R3HDM1: variants seen among roughly 807,000 people sequenced by gnomAD.
R3HDM1 encodes the protein R3H domain-containing protein 1.
R3HDM1 carries 46 observed loss-of-function variants against 141.1 expected under a neutral mutation model. That is an observed-to-expected ratio of 0.33 (90% confidence interval 0.26 to 0.42). The LOEUF (loss-of-function observed/expected upper bound fraction) is 0.42. Ranked by LOEUF, R3HDM1 falls within the 10% of genes least tolerant of loss-of-function variation. The pLI is 1.00. For missense variants in R3HDM1, 1,184 were observed against 1,368.3 expected (o/e 0.87, Z 2.12); for synonymous variants, 435 against 472.9 (o/e 0.92, Z 1.04).
intron 21 of R3HDM1, among the ~76,000 whole-genome samples, chr2:135,698,307 C>A (rs1037620332): frequency 5.3e-5 from 8 of 151,450 alleles, no homozygotes; most frequent in African/African-American, 1.7e-4. Flanking sequence ...CTACAGGCAC[C>A]CACCACCACG....
intron 21 of R3HDM1, among the ~76,000 whole-genome samples, chr2:135,693,778 C>A (rs2072802508): frequency 6.6e-6 from 1 of 152,164 alleles, no homozygotes; most frequent in Admixed American, 6.5e-5. Context: ...GAGGCTGAGG[C>A]ATGTGGATCA....
chr2:135,676,976 A>G (rs2069291302), intron 20 of R3HDM1, among the ~76,000 whole-genome samples: 1 of 152,212 alleles, frequency 6.6e-6, no homozygotes, highest in African/African-American at 2.4e-5. Context: ...CAGACTAGTA[A>G]CTGAGAGGAT....
chr2:135,654,295 G>GCACA (rs968621633), intron 18 of R3HDM1, among the ~76,000 whole-genome samples: 1 of 151,284 alleles, frequency 6.6e-6, no homozygotes, highest in African/African-American at 2.4e-5. Context: ...CGTAGCATAG[G>GCACA]CACACACACA....
chr2:135,650,233 C>T (rs914212082), intron 17 of R3HDM1: 26 of 981,802 alleles, frequency 2.6e-5, no homozygotes, highest in African/African-American at 7.0e-5. Flanking sequence ...TTTTTCATAA[C>T]GAAAGAATTT....
chr2:135,582,365 T>G (rs890065302), intron 1 of R3HDM1, among the ~76,000 whole-genome samples: 1 of 152,130 alleles, frequency 6.6e-6, no homozygotes, highest in Non-Finnish European at 1.5e-5. Flanking sequence ...TAGTCAATGG[T>G]TTTAATTTTA....
chr2:135,576,472 G>C (rs1705449423), intron 1 of R3HDM1, among the ~76,000 whole-genome samples: 1 of 152,128 alleles, frequency 6.6e-6, no homozygotes, highest in African/African-American at 2.4e-5. Context: ...TGATACCACT[G>C]AATAAATAGT....
At position 135,656,466 on chromosome 2, in the gene R3HDM1, C is replaced by G. The variant is rs562709845; in HGVS notation, c.2028+4434C>G. 4 of 146,946 alleles carry G rather than the reference C, an allele frequency of 2.7e-5. No individual in the cohort carries two copies. The South Asian group carries it at 8.6e-4, about 32-fold the overall frequency. The allele number at this position is 146,946 out of a possible 1,614,324, so 9.1% of individuals were successfully genotyped here. A position where few individuals can be genotyped will look rare whatever the true frequency, so the allele number is the denominator to read the frequency against. On this transcript the variant is annotated intron_variant, in intron 18 of 26. Coordinates refer to ENST00000683871, the MANE Select transcript of R3HDM1 (RefSeq NM_001378107.1). ...TTTCCTGCATTTTATATTATTTGAA[C>G]TTTTTTTTTTTATAATATTGAATGC...
chr2:135,720,648 TAAG>T (rs1163263148), intron 24 of R3HDM1, among the ~76,000 whole-genome samples: 6 of 152,158 alleles, frequency 3.9e-5, no homozygotes, highest in African/African-American at 1.4e-4. Context: ...TAATGACACT[TAAG>T]AACTACACAA....
intron 7 of R3HDM1, among the ~76,000 whole-genome samples, chr2:135,629,209 G>A (rs776007827): frequency 1.3e-5 from 2 of 151,934 alleles, no homozygotes; most frequent in African/African-American, 2.4e-5. Context: ...CCCAGCTACC[G>A]GGAAGCTGAG....
intron 21 of R3HDM1, among the ~76,000 whole-genome samples, chr2:135,683,270 C>T (rs1336325298): frequency 6.6e-6 from 1 of 151,732 alleles, no homozygotes; most frequent in Non-Finnish European, 1.5e-5. Flanking sequence ...TTAAAGTTCT[C>T]TGACTGGCTG....
chr2:135,625,247 C>G (rs1162996571), intron 7 of R3HDM1, among the ~76,000 whole-genome samples: 1 of 152,072 alleles, frequency 6.6e-6, no homozygotes, highest in Non-Finnish European at 1.5e-5. Flanking sequence ...GTCAGGAGTT[C>G]GACACCAGCC....
intron 21 of R3HDM1, among the ~76,000 whole-genome samples, chr2:135,702,638 AG>A (rs1490815028): frequency 6.7e-6 from 1 of 148,618 alleles, no homozygotes; most frequent in African/African-American, 2.5e-5. Flanking sequence ...CGACAGAGCA[AG>A]ACTCCGTCTC....
chr2:135,591,196 C>T (rs945429635), intron 1 of R3HDM1, among the ~76,000 whole-genome samples: 2 of 152,026 alleles, frequency 1.3e-5, no homozygotes, highest in Admixed American at 6.6e-5. Context: ...AGGAGCCCAG[C>T]GTGAATTTTG....
chr2:135,661,161 T>A (rs957787403), intron 18 of R3HDM1, 109 bp from the exon 19 acceptor site: 15 of 1,305,644 alleles, frequency 1.1e-5, no homozygotes, highest in Non-Finnish European at 1.5e-5. Flanking sequence ...AGTTTTCCAA[T>A]GATTAGTGCT....
intron 21 of R3HDM1, among the ~76,000 whole-genome samples, chr2:135,681,461 T>A (rs528887836): frequency 4.9e-4 from 75 of 152,328 alleles, no homozygotes; most frequent in African/African-American, 1.8e-3. Flanking sequence ...AGTATTTATC[T>A]GGCCAGCAAT....
At chr2:135,662,844 T>C (rs1461196150) in intron 19 of R3HDM1, among the ~76,000 whole-genome samples, 1 of 152,208 alleles carries the variant, frequency 6.6e-6, no homozygotes, top group African/African-American at 2.4e-5. Context: ...TTGTTTTTTC[T>C]TGATTTTTTT....
At chr2:135,577,250 TG>T in intron 1 of R3HDM1, 3 of 972,090 alleles carry the variant, frequency 3.1e-6, no homozygotes, top group Non-Finnish European at 3.7e-6. Flanking sequence ...AAAACCGACA[TG>T]AAAAAAAGTC....
chr2:135,645,515 C>T lies in R3HDM1; in HGVS notation c.1611C>T (p.His537=). 1 of 1,613,992 alleles carries T rather than the reference C, an allele frequency of 6.2e-7. No homozygotes were observed. Among genetic ancestry groups the T allele is most frequent in the East Asian group, 2.2e-5 (1 of 44,886 alleles). The part of the protein sequence containing the change: ...PAPPQQPAAN[H]IFSQPVHPLQ... ...CACCTCAACAACCAGCAGCTAATCA[C>T]ATTTTCTCACAGGTGCACATATCCA... Residue 537 remains histidine (H), a synonymous_variant, in exon 16 of 27, where the codon CAC becomes CAT. Transcript: ENST00000683871.
At chr2:135,640,858 A>G (rs1381277071) in intron 14 of R3HDM1, among the ~76,000 whole-genome samples, 1 of 152,158 alleles carries the variant, frequency 6.6e-6, no homozygotes, top group East Asian at 1.9e-4. Flanking sequence ...GCAGGGATGA[A>G]GGCATTTAAA....
Sources: gnomAD v4.1 joint callset for allele counts (sites outside exome capture counted in the v4.1 genomes callset) on GRCh38, gnomAD v4.1.1 for gene constraint, MANE v1.5 for transcripts, NCBI Gene and HGNC (gene_info 2026-07-23, HGNC 2026-07-21) for gene names.